The following CEP63 variants were observed in gnomAD, a reference collection of about 807,000 sequenced individuals.
The protein encoded by CEP63 is centrosomal protein of 63 kDa.
In CEP63, 84 loss-of-function variants were observed where a neutral mutation model predicts 89.1. The observed-to-expected ratio is 0.94, with a 90% CI of 0.79 to 1.13. The LOEUF (loss-of-function observed/expected upper bound fraction) is 1.13, where lower values mean the gene tolerates loss of function less well. Among genes scored for constraint, CEP63 ranks in the 50% most tolerant of loss-of-function variants. The pLI is 0.00. For synonymous variants in CEP63, 267 were observed against 272.5 expected (o/e 0.98, Z 0.20); for missense variants, 838 against 813.3 (o/e 1.03, Z -0.37).
the CEP63 span, among the ~76,000 whole-genome samples, chr3:134,657,640 C>A: frequency 1.6e-4 from 25 of 152,076 alleles, no homozygotes; most frequent in Non-Finnish European, 1.5e-5. Flanking sequence ...TAATAAATAT[C>A]TTTGACTACA....
chr3:134,595,524 C>T, the CEP63 span, among the ~76,000 whole-genome samples: 11 of 152,120 alleles, frequency 7.2e-5, no homozygotes, highest in African/African-American at 2.4e-4. Flanking sequence ...CACACCTCAC[C>T]CTTCAATCCA....
the CEP63 span, among the ~76,000 whole-genome samples, chr3:134,672,006 A>G: frequency 2.5e-4 from 38 of 152,292 alleles, no homozygotes; most frequent in Non-Finnish European, 4.4e-4. Flanking sequence ...GCAGTGATAG[A>G]TGGTTGTCAA....
the CEP63 span, among the ~76,000 whole-genome samples, chr3:134,641,549 G>C: frequency 6.6e-6 from 1 of 152,106 alleles, no homozygotes; most frequent in Admixed American, 6.6e-5. Context: ...CACCCCTAGA[G>C]CCTCTAAAAA....
the CEP63 span, among the ~76,000 whole-genome samples, chr3:134,773,694 C>G: frequency 3.3e-5 from 5 of 152,230 alleles, no homozygotes; most frequent in African/African-American, 9.6e-5. Flanking sequence ...AGCCCACCCC[C>G]CCACCTTCTC....
At chr3:134,602,250 C>T in the CEP63 span, among the ~76,000 whole-genome samples, 1 of 152,154 alleles carries the variant, frequency 6.6e-6, no homozygotes, top group African/African-American at 2.4e-5. Flanking sequence ...TCTCGCCTTT[C>T]CCTCTTATCT....
chr3:134,587,285 A>G (rs1415927870), intron 10 of CEP63, among the ~76,000 whole-genome samples: 1 of 152,114 alleles, frequency 6.6e-6, no homozygotes, highest in Non-Finnish European at 1.5e-5. Flanking sequence ...TCTAGTTTTT[A>G]GAATTTTCAG....
At chr3:134,776,816 CACTT>C in the CEP63 span, among the ~76,000 whole-genome samples, 2 of 152,120 alleles carry the variant, frequency 1.3e-5, no homozygotes, top group Non-Finnish European at 2.9e-5. Context: ...GAAGATATGA[CACTT>C]ACTTGAGGTG....
At chr3:134,634,211 A>C in the CEP63 span, among the ~76,000 whole-genome samples, 2 of 152,354 alleles carry the variant, frequency 1.3e-5, no homozygotes, top group Non-Finnish European at 2.9e-5. Flanking sequence ...GATTTAATGC[A>C]AGTTCAACCA....
chr3:134,619,581 A>T, the CEP63 span, among the ~76,000 whole-genome samples: 2 of 152,182 alleles, frequency 1.3e-5, no homozygotes, highest in Non-Finnish European at 2.9e-5. Flanking sequence ...CTCTGCACAC[A>T]TTTCCAGTGA....
At chr3:134,662,160 C>A in the CEP63 span, among the ~76,000 whole-genome samples, 1 of 151,998 alleles carries the variant, frequency 6.6e-6, no homozygotes. Context: ...GCTGGTAATC[C>A]CAGCTACCCA....
chr3:134,557,390 T>TTTTTTTTTTG (rs1956433774), intron 12 of CEP63, among the ~76,000 whole-genome samples: 1 of 146,600 alleles, frequency 6.8e-6, no homozygotes, highest in Admixed American at 6.7e-5. Flanking sequence ...TTTTTTTTTT[T>TTTTTTTTTTG]TTTTTTTTTT....
the CEP63 span, among the ~76,000 whole-genome samples, chr3:134,769,045 A>T: frequency 6.6e-6 from 1 of 152,226 alleles, no homozygotes; most frequent in South Asian, 2.1e-4. Flanking sequence ...CGGTCAGGCC[A>T]GGGAGCTTGG....
At chr3:134,621,181 C>A in the CEP63 span, among the ~76,000 whole-genome samples, 1 of 152,168 alleles carries the variant, frequency 6.6e-6, no homozygotes, top group Non-Finnish European at 1.5e-5. Flanking sequence ...TAATCCTTAT[C>A]AAAATTCCAA....
At chr3:134,685,280 G>A in the CEP63 span, among the ~76,000 whole-genome samples, 1 of 151,542 alleles carries the variant, frequency 6.6e-6, no homozygotes, top group Non-Finnish European at 1.5e-5. Context: ...AAGACTTTGG[G>A]GGAACTCTGA....
chr3:134,694,192 C>G, the CEP63 span, among the ~76,000 whole-genome samples: 1 of 152,080 alleles, frequency 6.6e-6, no homozygotes, highest in Non-Finnish European at 1.5e-5. Flanking sequence ...GGACTCCATG[C>G]TAATGACAAC....
At chr3:134,548,384 G>A (rs527427613) in intron 9 of CEP63, among the ~76,000 whole-genome samples, 2 of 152,284 alleles carry the variant, frequency 1.3e-5, no homozygotes, top group Admixed American at 6.5e-5. Flanking sequence ...ACTTCCTTGG[G>A]TGTTAATTGA....
chr3:134,619,310 G>T, the CEP63 span: 1 of 1,442,564 alleles, frequency 6.9e-7, no homozygotes, highest in Non-Finnish European at 9.8e-7. Flanking sequence ...AGCCTGGGAG[G>T]CGAGAAGACT....
chr3:134,562,264 G>C lies in CEP63; in HGVS notation c.*729G>C. On this transcript the variant is annotated 3_prime_UTR_variant, in exon 15 of 15. Coordinates refer to ENST00000675561, the MANE Select transcript of CEP63 (RefSeq NM_001353108.3). ...AGATCTGGATGTTGATGTGCCGCAG[G>C]CATTTGAAACGATGGGAGTTGATAA... The C allele has an allele frequency of 1.0e-6, 1 of 972,218 alleles. No homozygotes were observed. The highest frequency in any genetic ancestry group is 1.2e-6 in the Non-Finnish European group (1 of 817,616). 60.2% of individuals were successfully genotyped at this position (972,218 alleles called of 1,614,324 possible).
chr3:134,578,322 GTTTTTTTTT>G (rs71139542), downstream of CEP63, among the ~76,000 whole-genome samples: 3 of 62,110 alleles, frequency 4.8e-5, no homozygotes, highest in South Asian at 6.2e-4. Flanking sequence ...TCTGACTTGT[GTTTTTTTTT>G]TTTTTTTTTT....
Sources: allele counts gnomAD v4.1 joint callset (sites outside exome capture counted in the v4.1 genomes callset), GRCh38; gene constraint gnomAD v4.1.1; transcripts MANE v1.5; gene names NCBI Gene and HGNC (gene_info 2026-07-23, HGNC 2026-07-21).